The following CDKL2 variants were observed in gnomAD, a reference collection of about 807,000 sequenced individuals.
The protein encoded by CDKL2 is cyclin dependent kinase like 2, also known as cyclin-dependent kinase-like 2.
CDKL2 carries 64 observed loss-of-function variants against 63.9 expected under a neutral mutation model. The observed-to-expected ratio is 1.00, with a 90% CI of 0.82 to 1.23. CDKL2 has a LOEUF of 1.23. CDKL2 is among the 50% of genes most tolerant of loss of function. The probability of loss-of-function intolerance (pLI) is 0.00; values close to 1 mark genes in which losing one functional copy is unlikely to be tolerated. For missense variants in CDKL2, 656 were observed against 668.0 expected (o/e 0.98, Z 0.20); for synonymous variants, 211 against 229.2 (o/e 0.92, Z 0.72).
intron 2 of CDKL2, among the ~76,000 whole-genome samples, chr4:75,624,005 G>A (rs1384418541): frequency 2.6e-5 from 4 of 151,210 alleles, no homozygotes; most frequent in African/African-American, 9.7e-5. Flanking sequence ...GTGGTGGCGG[G>A]CGCCTATAGT....
intron 1 of CDKL2, among the ~76,000 whole-genome samples, chr4:75,628,755 C>G (rs1730547476): frequency 6.6e-6 from 1 of 152,136 alleles, no homozygotes; most frequent in Non-Finnish European, 1.5e-5. Flanking sequence ...AAAGACAAAA[C>G]AAATATTCTC....
At chr4:75,588,367 T>C (rs1039888548) in intron 12 of CDKL2, among the ~76,000 whole-genome samples, 7 of 152,234 alleles carry the variant, frequency 4.6e-5, no homozygotes, top group Non-Finnish European at 1.0e-4. Context: ...CTGCTCAACT[T>C]GTTTTATGAA....
chr4:75,599,567 A>AAAAAAAAAAAC (rs1729096486), intron 7 of CDKL2, among the ~76,000 whole-genome samples: 1 of 151,214 alleles, frequency 6.6e-6, no homozygotes, highest in African/African-American at 2.4e-5. Context: ...AAAAAAAAAA[A>AAAAAAAAAAAC]AAAGAAACTA....
chr4:75,598,556 C>G (rs1729040130), intron 7 of CDKL2, among the ~76,000 whole-genome samples: 1 of 149,102 alleles, frequency 6.7e-6, no homozygotes, highest in Admixed American at 6.7e-5. Flanking sequence ...TCATTACTTT[C>G]TTGATAACCA....
intron 2 of CDKL2, among the ~76,000 whole-genome samples, chr4:75,616,064 G>A (rs1729912754): frequency 6.6e-6 from 1 of 152,190 alleles, no homozygotes; most frequent in South Asian, 2.1e-4. Flanking sequence ...GATGGTAGGT[G>A]AGTGGGAGAG....
Position 75,591,938 on chromosome 4 carries a change from G to A in CDKL2, c.1541-13C>T. The A allele has an allele frequency of 6.6e-7, 1 of 1,516,574 alleles. No individual in the cohort carries two copies. Among genetic ancestry groups the A allele is most frequent in the Non-Finnish European group, 8.9e-7 (1 of 1,129,820 alleles). The allele number at this position is 1,516,574 out of a possible 1,614,324, so 93.9% of individuals were successfully genotyped here. On this transcript the variant is annotated splice_polypyrimidine_tract_variant and intron_variant, in intron 11 of 13. Transcript: ENST00000307465. ...CTGGAATTTCGAGCTAGATAGAAAT[G>A]ACCATAAACACAGTGAAAATATTAG...
In CDKL2 at chr4:75,626,035, T is replaced by C. The variant is rs780456530; in HGVS notation, c.-29-18A>G. ...ACTTTTTGCTGTGAAAACCAAAACATAGATTTAACAAAGTTGAGTACGTTA... is the reference window on the plus strand; with the variant it reads ...ACTTTTTGCTGTGAAAACCAAAACACAGATTTAACAAAGTTGAGTACGTTA... On this transcript the variant is annotated intron_variant, in intron 1 of 13. Coordinates refer to ENST00000307465, the MANE Select transcript of CDKL2 (RefSeq NM_001330724.2). The C allele has an allele frequency of 1.6e-5, 24 of 1,496,058 alleles. No homozygotes were observed. The highest frequency in any genetic ancestry group is 2.1e-5 in the Non-Finnish European group (23 of 1,090,814). 92.7% of individuals were successfully genotyped at this position (1,496,058 alleles called of 1,614,324 possible). A position where few individuals can be genotyped will look rare whatever the true frequency, so the allele number is the denominator to read the frequency against.
rs1384149799 is a variant in CDKL2 at position 75,626,032 on chromosome 4, A to G, written c.-29-15T>C. The G allele has an allele frequency of 6.6e-7, 1 of 1,514,852 alleles. No homozygotes were observed. The highest frequency in any genetic ancestry group is 9.0e-7 in the Non-Finnish European group (1 of 1,107,224). The allele number at this position is 1,514,852 out of a possible 1,614,324, so 93.8% of individuals were successfully genotyped here. On this transcript the variant is annotated splice_polypyrimidine_tract_variant and intron_variant, in intron 1 of 13. Transcript: ENST00000307465. ...GAAACTTTTTGCTGTGAAAACCAAA[A>G]CATAGATTTAACAAAGTTGAGTACG...
chr4:75,579,387 C>T (rs1728159394), intron 13 of CDKL2, among the ~76,000 whole-genome samples: 1 of 152,132 alleles, frequency 6.6e-6, no homozygotes, highest in South Asian at 2.1e-4. Context: ...AACTATCTTG[C>T]GTATGGCTGG....
intron 2 of CDKL2, 33 bp downstream of exon 2, chr4:75,625,788 A>G: frequency 2.0e-6 from 3 of 1,521,050 alleles, no homozygotes; most frequent in Non-Finnish European, 2.7e-6. Flanking sequence ...ACTTATACTC[A>G]TATTTTTTGA....
In CDKL2 at chr4:75,596,489, G is replaced by A. The variant is rs1393825257; in HGVS notation, c.1323-149C>T. 4.8e-5 allele frequency: 30 copies of A among 621,222 alleles called. No homozygotes were observed. The East Asian group carries it at 7.7e-4, about 16-fold the overall frequency. The allele number at this position is 621,222 out of a possible 1,614,324, so 38.5% of individuals were successfully genotyped here. ...AATATACAATGCACATAAATCTGGTGAAACATTCTATTCTTTAACACTACC... is the reference window on the plus strand; with the variant it reads ...AATATACAATGCACATAAATCTGGTAAAACATTCTATTCTTTAACACTACC... On this transcript the variant is annotated intron_variant, in intron 9 of 13. Transcript: ENST00000307465.
At chr4:75,617,676 A>T (rs1233839743) in intron 2 of CDKL2, among the ~76,000 whole-genome samples, 1 of 152,250 alleles carries the variant, frequency 6.6e-6, no homozygotes, top group Non-Finnish European at 1.5e-5. Flanking sequence ...CTAATAGAAG[A>T]AAACATTACA....
chr4:75,613,124 C>CAAAAAAG (rs1729778403), intron 3 of CDKL2, among the ~76,000 whole-genome samples: 1 of 142,308 alleles, frequency 7.0e-6, no homozygotes, highest in South Asian at 2.2e-4. Context: ...GACTCCGTTT[C>CAAAAAAG]AAAAAAAAAT....
intron 13 of CDKL2, among the ~76,000 whole-genome samples, 177 bp downstream of exon 13, chr4:75,581,633 C>CA (rs1728266152): frequency 6.6e-6 from 1 of 152,218 alleles, no homozygotes. Context: ...AAAGGGATTT[C>CA]ATCTCAGAGA....
At position 75,597,080 on chromosome 4, in the gene CDKL2, T is replaced by C. The variant is rs745312620; in HGVS notation, c.1177A>G (p.Ser393Gly). The stretch of plus-strand genomic sequence containing the variant: ...CTGACATTGCTGCAGTCTTTGAGGC[T>C]TGTTGAAGGCACTATTTTGTTGTGG... Reference protein sequence around the residue: ...TSHNKIVPSTSLKDCSNVSVD... With the variant: ...TSHNKIVPSTGLKDCSNVSVD... Residue 393 changes from serine (S) to glycine (G), a missense_variant, in exon 9 of 14, where the codon AGC becomes GGC. Ser to Gly is a moderately conservative substitution (Grantham distance 56). Transcript: ENST00000307465. 2 of 1,614,228 alleles carry C rather than the reference T, an allele frequency of 1.2e-6. No homozygotes were observed. The highest frequency in any genetic ancestry group is 1.7e-6 in the Non-Finnish European group (2 of 1,180,036).
chr4:75,600,704 C>T (rs550346791), intron 6 of CDKL2, among the ~76,000 whole-genome samples: 3 of 152,114 alleles, frequency 2.0e-5, no homozygotes, highest in Non-Finnish European at 4.4e-5. Context: ...AGCTATCCAC[C>T]CTCCTCAGCT....
At chr4:75,604,054 C>T in intron 5 of CDKL2, 98 bp from the exon 6 acceptor site, 1 of 1,190,452 alleles carries the variant, frequency 8.4e-7, no homozygotes, top group Non-Finnish European at 1.2e-6. Context: ...TGGAACACAG[C>T]TTATGGAGTT....
chr4:75,605,746 G>T, intron 4 of CDKL2, 112 bp from the exon 5 acceptor site: 1 of 590,290 alleles, frequency 1.7e-6, no homozygotes. Flanking sequence ...GAGCATTTCA[G>T]ATTTCAGATT....
In CDKL2 at chr4:75,620,066, G is replaced by C. The variant is rs193291194; in HGVS notation, c.169-5617C>G. Among the ~76,000 whole-genome samples, 664 of 152,188 alleles carry C rather than the reference G, an allele frequency of 4.4e-3. 3 individuals carry two copies. The highest frequency in any genetic ancestry group is 0.015 in the South Asian group (73 of 4,824). ...CTGGGCATGGTGGCACATGCCTGTA[G>C]TCCAAGCTTCAAAGCTACTTAGGAA... On this transcript the variant is annotated intron_variant, in intron 2 of 13. Coordinates refer to ENST00000307465, the MANE Select transcript of CDKL2 (RefSeq NM_001330724.2).
Sources: gnomAD v4.1 joint callset for allele counts (sites outside exome capture counted in the v4.1 genomes callset) on GRCh38, gnomAD v4.1.1 for gene constraint, MANE v1.5 for transcripts, NCBI Gene and HGNC (gene_info 2026-07-23, HGNC 2026-07-21) for gene names.